LDHAL6A: variants seen among roughly 807,000 people sequenced by gnomAD.
LDHAL6A encodes the protein lactate dehydrogenase A like 6A.
Under a neutral mutation model 28.2 loss-of-function variants are expected in LDHAL6A, and 19 were observed. The observed-to-expected ratio is 0.67, with a 90% confidence interval of 0.47 to 0.99. LDHAL6A has a LOEUF of 0.99. Ranked by LOEUF, LDHAL6A falls within the 50% of genes least tolerant of loss-of-function variation. LDHAL6A has a pLI of 0.00. For missense variants in LDHAL6A, 372 were observed against 398.6 expected, an observed-to-expected ratio of 0.93 and a Z score of 0.57; for synonymous variants, 144 against 134.4, an observed-to-expected ratio of 1.07 and a Z score of -0.49.
At chr11:18,456,842 A>G in intron 1 of LDHAL6A, 36 bp downstream of exon 1, 1 of 1,592,142 alleles carries the variant, frequency 6.3e-7, no homozygotes, top group South Asian at 1.1e-5. Flanking sequence ...GGTTCACCTC[A>G]GTTGGAGGCG....
intron 1 of LDHAL6A, among the ~76,000 whole-genome samples, chr11:18,462,222 C>A (rs879876629): frequency 6.6e-6 from 1 of 151,776 alleles, no homozygotes; most frequent in Non-Finnish European, 1.5e-5. Flanking sequence ...CAAGGCCGGG[C>A]GCGGATTAAG....
intron 3 of LDHAL6A, among the ~76,000 whole-genome samples, chr11:18,468,027 A>ATATATATACG (rs1849157748): frequency 1.8e-5 from 1 of 56,008 alleles, no homozygotes; most frequent in African/African-American, 9.6e-5. Flanking sequence ...ATATATACGT[A>ATATATATACG]TATATATATA....
chr11:18,479,572 T>G lies in LDHAL6A; in HGVS notation c.*702T>G, dbSNP rs890102480. On this transcript the variant is annotated 3_prime_UTR_variant, in exon 7 of 7. Coordinates refer to ENST00000280706, the MANE Select transcript of LDHAL6A (RefSeq NM_144972.5). ...ACACACACAGAGAGTAATCTAAATG[T>G]TCCTAACACTAGATAAAACATTGAT... 2 of 152,094 alleles carry G rather than the reference T, an allele frequency of 1.3e-5. No individual in the cohort carries two copies. The highest frequency in any genetic ancestry group is 1.3e-4 in the Admixed American group (2 of 15,272). 9.4% of individuals were successfully genotyped at this position (152,094 alleles called of 1,614,324 possible).
chr11:18,464,448 C>T (rs1357790806), intron 2 of LDHAL6A, among the ~76,000 whole-genome samples: 3 of 152,176 alleles, frequency 2.0e-5, no homozygotes, highest in Admixed American at 2.0e-4. Context: ...GGCATGGTGG[C>T]TCATGCCTGT....
At chr11:18,464,983 T>TG (rs1849020464) in intron 2 of LDHAL6A, among the ~76,000 whole-genome samples, 1 of 137,832 alleles carries the variant, frequency 7.3e-6, no homozygotes, top group African/African-American at 2.9e-5. Context: ...TTTTGTTTTT[T>TG]TTTGTTTTGT....
rs375408008 is a variant in LDHAL6A at position 18,465,869 on chromosome 11, C to T, written c.418+59C>T. The T allele has an allele frequency of 6.6e-6, 9 of 1,363,674 alleles. No homozygotes were observed. In the Middle Eastern group the frequency reaches 5.5e-4, roughly 83 times the overall value. 84.5% of individuals were successfully genotyped at this position (1,363,674 alleles called of 1,614,324 possible). On this transcript the variant is annotated intron_variant, in intron 3 of 6. Transcript: ENST00000280706. ...GATTCGGGGGTACACTGTGTAGGTT[C>T]ATTACATGAGTATACTGTGTGATGC...
At chr11:18,475,807 A>G (rs935459089) in intron 4 of LDHAL6A, 168 bp downstream of exon 4, 2 of 524,182 alleles carry the variant, frequency 3.8e-6, no homozygotes, top group Admixed American at 7.3e-5. Context: ...ACCAACAAAA[A>G]ATACAGATTT....
chr11:18,459,108 A>T (rs936219657), intron 1 of LDHAL6A, among the ~76,000 whole-genome samples: 4 of 152,186 alleles, frequency 2.6e-5, no homozygotes, highest in Non-Finnish European at 5.9e-5. Flanking sequence ...GGATTGAAGG[A>T]TGCAGGGTAT....
intron 1 of LDHAL6A, among the ~76,000 whole-genome samples, chr11:18,460,844 C>CT (rs956964682): frequency 2.6e-5 from 4 of 152,046 alleles, no homozygotes; most frequent in African/African-American, 4.8e-5. Flanking sequence ...CTTTCCTTTT[C>CT]TTTTTTTTCT....
In LDHAL6A at chr11:18,456,742, A is replaced by G. The variant is rs758230349; in HGVS notation, c.62A>G (p.Asn21Ser). The G allele has an allele frequency of 1.2e-5, 20 of 1,613,878 alleles. No individual in the cohort carries two copies. The East Asian group carries it at 3.6e-4, about 29-fold the overall frequency. ...NFAEEEAIHH[N>S]KISIVGTGSV... is the part of the protein sequence containing the mutation. ...GCGGAAGAGGAGGCCATTCATCACA[A>G]TAAGATCTCCATTGTAGGAACTGGA... The change falls in exon 1 of 7, where the codon AAT (asparagine) becomes AGT (serine). Residue 21 changes from asparagine (N) to serine (S), a missense_variant. Asn to Ser is a conservative substitution (Grantham distance 46). This residue lies in a region of LDHAL6A where 77 missense variants were observed against 77.9 expected (regional missense o/e 0.99). Coordinates refer to ENST00000280706, the MANE Select transcript of LDHAL6A (RefSeq NM_144972.5).
rs767945521 is a variant in LDHAL6A, at chr11:18,464,077, AG to A, written c.244+1del. The A allele has an allele frequency of 6.4e-7, 1 of 1,556,366 alleles. No individual in the cohort carries two copies. The highest frequency in any genetic ancestry group is 2.2e-5 in the East Asian group (1 of 44,578). On this transcript the variant is annotated frameshift_variant and splice_region_variant, in exon 2 of 7. Coordinates refer to ENST00000280706, the MANE Select transcript of LDHAL6A (RefSeq NM_144972.5). LOFTEE classifies it high-confidence loss of function. ...MKMPNIVSSK[D>X]YLVTANSNLV... ...AAATGCCAAATATTGTCTCCAGCAAAGGTTAATGTCATAGTTAAATACTATA... is the reference window on the plus strand; with the variant it reads ...AAATGCCAAATATTGTCTCCAGCAAAGTTAATGTCATAGTTAAATACTATA...
At chr11:18,464,986 TG>T (rs1297170830) in intron 2 of LDHAL6A, among the ~76,000 whole-genome samples, 3,735 of 119,172 alleles carry the variant, frequency 0.031, 193 homozygotes, top group African/African-American at 0.05. Flanking sequence ...TGTTTTTTTT[TG>T]TTTTGTTTTG....
At chr11:18,468,947 T>TA (rs1365164481) in intron 3 of LDHAL6A, 26 of 362,834 alleles carry the variant, frequency 7.2e-5, no homozygotes, top group Middle Eastern at 7.1e-4. Context: ...TTTGATTCTT[T>TA]AAAAAAAATA....
intron 2 of LDHAL6A, 74 bp downstream of exon 2, chr11:18,464,152 C>T (rs1471485012): frequency 3.9e-6 from 4 of 1,036,666 alleles, no homozygotes; most frequent in South Asian, 1.3e-5. Context: ...ATCTTTATTT[C>T]TTTTGACCTC....
chr11:18,460,766 GA>G (rs1307609148), intron 1 of LDHAL6A, among the ~76,000 whole-genome samples: 1 of 151,808 alleles, frequency 6.6e-6, no homozygotes, highest in African/African-American at 2.4e-5. Context: ...TCTCAAAAAA[GA>G]AAAAAGGTAA....
At chr11:18,463,564 A>G (rs1848978493) in intron 1 of LDHAL6A, among the ~76,000 whole-genome samples, 1 of 151,980 alleles carries the variant, frequency 6.6e-6, no homozygotes, top group African/African-American at 2.4e-5. Flanking sequence ...GGTGGATGAT[A>G]AGTAAGCACC....
rs34785727 is a variant in LDHAL6A, at chr11:18,461,860, G to GAA, written c.127-2087_127-2086dup. On this transcript the variant is annotated intron_variant, in intron 1 of 6. Coordinates refer to ENST00000280706, the MANE Select transcript of LDHAL6A (RefSeq NM_144972.5). ...GAGCAAGATTCCGTCTCAAAAAAAA[G>GAA]AAAAAAAAAAAAAAACTAGGCTGGG... is the stretch of plus-strand genomic sequence containing the variant. Among the ~76,000 whole-genome samples the GAA allele has an allele frequency of 1.2e-3, 157 of 131,240 alleles. 1 individual carries two copies. The highest frequency in any genetic ancestry group is 4.0e-3 in the Middle Eastern group (1 of 250). 86.1% of individuals were successfully genotyped at this position (131,240 alleles called of 152,430 possible).
rs1019524057 is a variant in LDHAL6A at position 18,456,043 on chromosome 11, C to T, written c.-638C>T. On this transcript the variant is annotated 5_prime_UTR_variant, in exon 1 of 7. The change creates a new upstream start codon in the 5' untranslated region. Transcript: ENST00000280706. The stretch of plus-strand genomic sequence containing the variant: ...TCCTTCGTGCCTCGATGAGCTTTAA[C>T]GCCATTTTCCTCCATTCTCTTTCTT... The T allele has an allele frequency of 6.5e-6, 1 of 152,694 alleles. No homozygotes were observed. Among genetic ancestry groups the T allele is most frequent in the Non-Finnish European group, 1.5e-5 (1 of 68,402 alleles). The allele number at this position is 152,694 out of a possible 1,614,324, so 9.5% of individuals were successfully genotyped here. A position where few individuals can be genotyped will look rare whatever the true frequency, so the allele number is the denominator to read the frequency against.
chr11:18,464,144 CTT>C lies in LDHAL6A; in HGVS notation c.244+68_244+69del. ...ATGAACAAGTATCTAAGAAAATCAT[CTT>C]TATTTCTTTTGACCTCCCCAGTTTT... is the stretch of plus-strand genomic sequence containing the variant. On this transcript the variant is annotated intron_variant, in intron 2 of 6. Transcript: ENST00000280706. 3 of 1,146,394 alleles carry C rather than the reference CTT, an allele frequency of 2.6e-6. No homozygotes were observed. In the South Asian group the frequency reaches 3.8e-5, roughly 15 times the overall value. The allele number at this position is 1,146,394 out of a possible 1,614,324, so 71.0% of individuals were successfully genotyped here. A position where few individuals can be genotyped will look rare whatever the true frequency, so the allele number is the denominator to read the frequency against.
Sources: gnomAD v4.1 joint callset for allele counts (sites outside exome capture counted in the v4.1 genomes callset) on GRCh38, gnomAD v4.1.1 for gene constraint, gnomAD v4.1.1 regional missense constraint, MANE v1.5 for transcripts, NCBI Gene and HGNC (gene_info 2026-07-23, HGNC 2026-07-21) for gene names.